Variants in TRPA1 observed in about 807,000 individuals in gnomAD.
TRPA1 encodes transient receptor potential cation channel subfamily A member 1.
A neutral mutation model predicts 131.3 loss-of-function variants in TRPA1; 129 were observed. The ratio of observed to expected loss-of-function variants is 0.98; its 90% confidence interval spans 0.85 to 1.14. The LOEUF (loss-of-function observed/expected upper bound fraction) is 1.14. TRPA1 is among the 50% of genes most tolerant of loss of function. The pLI, the probability that TRPA1 is intolerant of heterozygous loss-of-function variation, is 0.00. For synonymous variants in TRPA1, 441 were observed against 451.7 expected (o/e 0.98, Z 0.30); for missense variants, 1,304 against 1,354.2 (o/e 0.96, Z 0.58).
At chr8:72,064,055 GTTATA>G (rs939536955) in intron 4 of TRPA1, among the ~76,000 whole-genome samples, 19 of 152,084 alleles carry the variant, frequency 1.2e-4, no homozygotes, top group Admixed American at 3.3e-4. Flanking sequence ...AGAACTGAAT[GTTATA>G]TTATGTTTTC....
chr8:72,083,362 C>T, the TRPA1 span, among the ~76,000 whole-genome samples: 2 of 151,962 alleles, frequency 1.3e-5, no homozygotes, highest in Admixed American at 1.3e-4. Context: ...TGTTTCTTTG[C>T]TTGTCTTATA....
At position 72,055,706 on chromosome 8, in the gene TRPA1, T is replaced by G; in HGVS notation, c.1344A>C (p.Ser448=). The change falls in exon 11 of 27, where the codon TCA becomes TCC. Residue 448 remains serine (S), a synonymous_variant. Transcript: ENST00000262209. ...CTTACCTGGCTGCAAAATGCAGAGG[T>G]GATTTCTTATCTTTGCTTTTGGAAT... ...SIHSKSKDKK[S]PLHFAASYGR... 6.2e-7 allele frequency: 1 copy of G among 1,613,478 alleles called. No individual in the cohort carries two copies. Among genetic ancestry groups the G allele is most frequent in the Non-Finnish European group, 8.5e-7 (1 of 1,179,672 alleles).
At chr8:72,072,709 A>G (rs958295668) in intron 1 of TRPA1, among the ~76,000 whole-genome samples, 1 of 152,176 alleles carries the variant, frequency 6.6e-6, no homozygotes, top group Non-Finnish European at 1.5e-5. Flanking sequence ...GCATTTTGGT[A>G]CTTGAATTTG....
intron 23 of TRPA1, among the ~76,000 whole-genome samples, chr8:72,032,941 C>T (rs1003898152): frequency 1.3e-5 from 2 of 152,192 alleles, no homozygotes; most frequent in African/African-American, 4.8e-5. Context: ...ACAACGATGC[C>T]AATAAGGGCT....
At chr8:72,041,571 C>A (rs76665067) in intron 17 of TRPA1, among the ~76,000 whole-genome samples, 1 of 151,708 alleles carries the variant, frequency 6.6e-6, no homozygotes, top group Admixed American at 6.6e-5. Context: ...ATATGAAAAT[C>A]GAAAAACCTG....
intron 24 of TRPA1, among the ~76,000 whole-genome samples, chr8:72,028,277 C>T (rs1585835782): frequency 1.3e-5 from 2 of 152,332 alleles, no homozygotes; most frequent in Middle Eastern, 6.8e-3. Context: ...ATTTAGTGCC[C>T]TTTGCTAAGG....
chr8:72,030,928 T>C (rs1328186661), intron 23 of TRPA1, among the ~76,000 whole-genome samples: 1 of 152,236 alleles, frequency 6.6e-6, no homozygotes, highest in East Asian at 1.9e-4. Flanking sequence ...CCATTTATTT[T>C]CTGGTACTTA....
At chr8:72,049,225 G>T (rs1805431467) in intron 15 of TRPA1, among the ~76,000 whole-genome samples, 1 of 152,216 alleles carries the variant, frequency 6.6e-6, no homozygotes, top group South Asian at 2.1e-4. Context: ...ATAGTAGGAG[G>T]TATATTATGT....
rs1805705844 is a variant in TRPA1, at chr8:72,057,720, T to C, written c.1090A>G (p.Lys364Glu). The change falls in exon 9 of 27, where the codon AAA becomes GAA. Residue 364 changes from lysine (K) to glutamate (E), a missense_variant. By Grantham distance (56) the Lys-to-Glu change is moderately conservative. Coordinates refer to ENST00000262209, the MANE Select transcript of TRPA1 (RefSeq NM_007332.3). The part of the protein sequence containing the change: ...SWNIVNLLLS[K>E]GAQVDIKDNF... The stretch of plus-strand genomic sequence containing the variant: ...TTGGCTTGTTCCCTCTTGGTACCTT[T>C]AGAGAGTAGCAAATTTACAATATTC... The C allele has an allele frequency of 1.9e-6, 3 of 1,612,486 alleles. No individual in the cohort carries two copies. The highest frequency in any genetic ancestry group is 2.5e-6 in the Non-Finnish European group (3 of 1,178,828).
the TRPA1 span, among the ~76,000 whole-genome samples, chr8:72,087,772 C>T: frequency 2.0e-5 from 3 of 152,092 alleles, no homozygotes; most frequent in Non-Finnish European, 2.9e-5. Context: ...CTATTAACCT[C>T]ATTTTCTCAT....
Position 72,055,713 on chromosome 8 carries a change from T to A in TRPA1, c.1337A>T (p.Lys446Met), listed in dbSNP as rs1395186070. 2 of 1,613,602 alleles carry A rather than the reference T, an allele frequency of 1.2e-6. No homozygotes were observed. Among genetic ancestry groups the A allele is most frequent in the Non-Finnish European group, 1.7e-6 (2 of 1,179,700 alleles). ...GGCTGCAAAATGCAGAGGTGATTTCTTATCTTTGCTTTTGGAATGAATGGA... is the reference window on the plus strand; with the variant it reads ...GGCTGCAAAATGCAGAGGTGATTTCATATCTTTGCTTTTGGAATGAATGGA... ...NVSIHSKSKD[K>M]KSPLHFAASY... Residue 446 changes from lysine to methionine, a missense_variant, in exon 11 of 27, where the codon AAG (lysine) becomes ATG (methionine). Coordinates refer to ENST00000262209, the MANE Select transcript of TRPA1 (RefSeq NM_007332.3).
At chr8:72,066,494 T>C (rs1464082750) in intron 3 of TRPA1, among the ~76,000 whole-genome samples, 1 of 152,198 alleles carries the variant, frequency 6.6e-6, no homozygotes, top group Non-Finnish European at 1.5e-5. Context: ...GTATGCAACC[T>C]CCTACCAGAG....
At chr8:72,029,072 G>T (rs1174271733) in intron 24 of TRPA1, among the ~76,000 whole-genome samples, 1 of 152,128 alleles carries the variant, frequency 6.6e-6, no homozygotes, top group Admixed American at 6.5e-5. Flanking sequence ...TGACAGGAAG[G>T]CACCTCACAA....
intron 13 of TRPA1, chr8:72,052,994 T>TGTGTGTGTGTGTGA (rs1491537785): frequency 3.0e-6 from 1 of 330,300 alleles, no homozygotes; most frequent in African/African-American, 2.7e-5. Context: ...TGTGTGTGTG[T>TGTGTGTGTGTGTGA]GAGAGATAGA....
intron 4 of TRPA1, 72 bp downstream of exon 4, chr8:72,065,379 G>T: frequency 1.6e-6 from 2 of 1,277,566 alleles, no homozygotes; most frequent in South Asian, 1.3e-5. Flanking sequence ...AAGAGATTTT[G>T]TAAATAATAA....
chr8:72,023,696 C>A, intron 26 of TRPA1, 118 bp downstream of exon 26: 4 of 680,628 alleles, frequency 5.9e-6, no homozygotes, highest in Non-Finnish European at 2.5e-6. Context: ...CTACAGCTAT[C>A]AATAAAGCAA....
intron 14 of TRPA1, among the ~76,000 whole-genome samples, chr8:72,052,224 C>A (rs1211571652): frequency 1.3e-5 from 2 of 152,120 alleles, no homozygotes; most frequent in Non-Finnish European, 2.9e-5. Context: ...GAGTTTGAGA[C>A]CAGCTTGGCT....
chr8:72,064,943 T>A (rs574182588), intron 4 of TRPA1, among the ~76,000 whole-genome samples: 1 of 152,276 alleles, frequency 6.6e-6, no homozygotes, highest in Non-Finnish European at 1.5e-5. Flanking sequence ...GCTAAGAACC[T>A]TTGTCATTAC....
rs1209504478 is a variant in TRPA1 at position 72,062,970 on chromosome 8, T to A, written c.662-26A>T. The A allele has an allele frequency of 6.3e-6, 10 of 1,597,870 alleles. 1 individual carries two copies. In the Admixed American group the frequency reaches 1.7e-4, roughly 27 times the overall value. On this transcript the variant is annotated intron_variant, in intron 5 of 26. Transcript: ENST00000262209. ...CTTGAGAAGAAAATAACATTCAACA[T>A]AACAAATATATAAAATAAATAATAG... is the stretch of plus-strand genomic sequence containing the variant.
Sources: allele counts gnomAD v4.1 joint callset (sites outside exome capture counted in the v4.1 genomes callset), GRCh38; gene constraint gnomAD v4.1.1; transcripts MANE v1.5; gene names NCBI Gene and HGNC (gene_info 2026-07-23, HGNC 2026-07-21).